The following ASAP2 variants were observed in gnomAD, a reference collection of about 807,000 sequenced individuals.
The protein encoded by ASAP2 is ArfGAP with SH3 domain, ankyrin repeat and PH domain 2, also known as arf-GAP with SH3 domain, ANK repeat and PH domain-containing protein 2.
In ASAP2, 45 loss-of-function variants were observed where a neutral mutation model predicts 131.4. The observed-to-expected ratio is 0.34, with a 90% CI of 0.27 to 0.44. ASAP2 has a LOEUF of 0.44. ASAP2 is among the 20% of genes least tolerant of loss of function. The pLI, the probability that ASAP2 is intolerant of heterozygous loss-of-function variation, is 1.00. For missense variants in ASAP2, 1,011 were observed against 1,297.0 expected, an observed-to-expected ratio of 0.78 and a Z score of 3.39; for synonymous variants, 510 against 503.0, an observed-to-expected ratio of 1.01 and a Z score of -0.19.
chr2:9,319,056 T>G (rs1376089069), intron 4 of ASAP2, among the ~76,000 whole-genome samples: 1 of 152,180 alleles, frequency 6.6e-6, no homozygotes, highest in Non-Finnish European at 1.5e-5. Context: ...GTTGGCTGTT[T>G]AGGACATGCC....
At chr2:9,358,711 C>T in intron 14 of ASAP2, 45 bp from the exon 15 acceptor site, 1 of 1,591,412 alleles carries the variant, frequency 6.3e-7, no homozygotes, top group Non-Finnish European at 8.6e-7. Context: ...ACTCCTGACC[C>T]TCTTTTTTAC....
intron 1 of ASAP2, among the ~76,000 whole-genome samples, chr2:9,275,624 C>T (rs1666712733): frequency 6.6e-6 from 1 of 152,194 alleles, no homozygotes; most frequent in East Asian, 1.9e-4. Flanking sequence ...TGCCCTGATC[C>T]ATTACCCTCC....
intron 14 of ASAP2, among the ~76,000 whole-genome samples, chr2:9,356,821 A>G (rs1672739498): frequency 6.6e-6 from 1 of 152,196 alleles, no homozygotes; most frequent in Non-Finnish European, 1.5e-5. Context: ...CTGTCTGTAA[A>G]GTGAAGGGAC....
At chr2:9,352,448 A>G (rs1572525969) in intron 12 of ASAP2, among the ~76,000 whole-genome samples, 1 of 152,324 alleles carries the variant, frequency 6.6e-6, no homozygotes, top group East Asian at 1.9e-4. Context: ...CATAAGCAAT[A>G]ATAGTGAACC....
At chr2:9,317,513 A>C (rs1669824497) in intron 3 of ASAP2, among the ~76,000 whole-genome samples, 1 of 145,732 alleles carries the variant, frequency 6.9e-6, no homozygotes, top group African/African-American at 2.6e-5. Flanking sequence ...ACACCCCCAC[A>C]ATCACACCCC....
At chr2:9,322,664 C>T (rs1207738395) in intron 5 of ASAP2, among the ~76,000 whole-genome samples, 1 of 152,164 alleles carries the variant, frequency 6.6e-6, no homozygotes, top group African/African-American at 2.4e-5. Flanking sequence ...GGTTGGTCGT[C>T]TTCTACAGTG....
intron 24 of ASAP2, among the ~76,000 whole-genome samples, chr2:9,395,432 G>A (rs1345103361): frequency 2.0e-5 from 3 of 151,788 alleles, no homozygotes; most frequent in African/African-American, 4.8e-5. Flanking sequence ...CTGAGATCAC[G>A]TCATTGTACT....
intron 15 of ASAP2, among the ~76,000 whole-genome samples, chr2:9,359,468 C>T (rs1462625190): frequency 2.0e-5 from 3 of 152,192 alleles, no homozygotes; most frequent in East Asian, 1.9e-4. Flanking sequence ...TCAAGAGTAT[C>T]GAGACTGTAG....
intron 6 of ASAP2, among the ~76,000 whole-genome samples, chr2:9,326,101 C>T (rs1212762685): frequency 1.3e-5 from 2 of 152,154 alleles, no homozygotes; most frequent in Non-Finnish European, 2.9e-5. Flanking sequence ...TGTTAAAAGG[C>T]CGGGCAGGGT....
intron 2 of ASAP2, among the ~76,000 whole-genome samples, chr2:9,282,199 G>T (rs1667171681): frequency 6.6e-6 from 1 of 152,076 alleles, no homozygotes; most frequent in Admixed American, 6.6e-5. Context: ...CCTTGGAGGG[G>T]GTCTCCTATT....
chr2:9,341,098 G>A (rs1207708585), intron 9 of ASAP2, among the ~76,000 whole-genome samples: 1 of 152,146 alleles, frequency 6.6e-6, no homozygotes, highest in East Asian at 1.9e-4. Context: ...AACATGGACC[G>A]CCCTGGCCTC....
chr2:9,364,157 A>G lies in ASAP2; in HGVS notation c.1462-4268A>G, dbSNP rs376412211. Among the ~76,000 whole-genome samples the G allele has an allele frequency of 7.2e-5, 11 of 152,280 alleles. No individual in the cohort carries two copies. In the South Asian group the frequency reaches 1.9e-3, roughly 26 times the overall value. ...ATCATGATCAATTTCACTATCATACATGAAGTTAATAAAGGAATTCTTGAT... is the reference window on the plus strand; with the variant it reads ...ATCATGATCAATTTCACTATCATACGTGAAGTTAATAAAGGAATTCTTGAT... On this transcript the variant is annotated intron_variant, in intron 15 of 27. Transcript: ENST00000281419.
Position 9,223,931 on chromosome 2 carries a change from G to A in ASAP2, c.126+16701G>A, listed in dbSNP as rs144591310. 2.2e-3 allele frequency among the ~76,000 whole-genome samples: 338 copies of A among 152,298 alleles called. 7 individuals are homozygous for A. In the East Asian group the frequency reaches 0.026, roughly 12 times the overall value. On this transcript the variant is annotated intron_variant, in intron 1 of 27. Coordinates refer to ENST00000281419, the MANE Select transcript of ASAP2 (RefSeq NM_003887.3). ...GTCATTAAGAATAGTCAAAATCAGCGTCCTCTGATTTGGTGCGCTGGGATG... is the reference window on the plus strand; with the variant it reads ...GTCATTAAGAATAGTCAAAATCAGCATCCTCTGATTTGGTGCGCTGGGATG...
chr2:9,393,752 C>T (rs553676439), intron 24 of ASAP2, 105 bp downstream of exon 24: 13 of 1,231,152 alleles, frequency 1.1e-5, no homozygotes, highest in South Asian at 3.0e-5. Context: ...CCTACTCCAG[C>T]GTGGGCGCCA....
chr2:9,393,513 T>C lies in ASAP2; in HGVS notation c.2550T>C (p.Val850=). 1 of 1,606,170 alleles carries C rather than the reference T, an allele frequency of 6.2e-7. No individual in the cohort carries two copies. Among genetic ancestry groups the C allele is most frequent in the Non-Finnish European group, 8.5e-7 (1 of 1,176,940 alleles). The change falls in exon 24 of 28, where the codon GTT becomes GTC. Residue 850 remains valine (V), a synonymous_variant. Coordinates refer to ENST00000281419, the MANE Select transcript of ASAP2 (RefSeq NM_003887.3). Reference sequence around the variant, plus strand: ...TGACCCCCACGCCGCCCCCACCCGTTGCCAAGACGCCCAGCGTAATGGAAG... The same window carrying C: ...TGACCCCCACGCCGCCCCCACCCGTCGCCAAGACGCCCAGCGTAATGGAAG... ...NPLTPTPPPP[V]AKTPSVMEAL... is the part of the protein sequence containing the mutation.
At chr2:9,355,069 T>A (rs1672608891) in intron 12 of ASAP2, among the ~76,000 whole-genome samples, 1 of 152,226 alleles carries the variant, frequency 6.6e-6, no homozygotes. Context: ...GTTAACATCT[T>A]AATACAGTTA....
chr2:9,256,281 A>G (rs981049512), intron 1 of ASAP2, among the ~76,000 whole-genome samples: 3 of 152,100 alleles, frequency 2.0e-5, no homozygotes, highest in African/African-American at 2.4e-5. Flanking sequence ...AAAAATTAGC[A>G]TGTCAGTGGG....
chr2:9,235,247 C>T (rs1271889458), intron 1 of ASAP2, among the ~76,000 whole-genome samples: 1 of 152,172 alleles, frequency 6.6e-6, no homozygotes, highest in Non-Finnish European at 1.5e-5. Flanking sequence ...TTTTGGACCA[C>T]ACAGATGGCT....
intron 1 of ASAP2, among the ~76,000 whole-genome samples, chr2:9,235,856 G>T (rs1435337731): frequency 6.6e-6 from 1 of 152,178 alleles, no homozygotes; most frequent in Admixed American, 6.5e-5. Context: ...TCCCATGAAT[G>T]GCAAGGGCAG....
Sources: gnomAD v4.1 joint callset for allele counts (sites outside exome capture counted in the v4.1 genomes callset) on GRCh38, gnomAD v4.1.1 for gene constraint, MANE v1.5 for transcripts, NCBI Gene and HGNC (gene_info 2026-07-23, HGNC 2026-07-21) for gene names.